The following NFIC variants were observed in gnomAD, a reference collection of about 807,000 sequenced individuals.
NFIC encodes nuclear factor 1 C-type.
NFIC carries 12 observed loss-of-function variants against 54.4 expected under a neutral mutation model. The ratio of observed to expected loss-of-function variants is 0.22; its 90% CI spans 0.14 to 0.36. The LOEUF (loss-of-function observed/expected upper bound fraction) is 0.36, where lower values mean the gene tolerates loss of function less well. Ranked by LOEUF, NFIC falls within the 10% of genes least tolerant of loss-of-function variation. The probability of loss-of-function intolerance (pLI) is 1.00; values close to 1 mark genes in which losing one functional copy is unlikely to be tolerated. For missense variants in NFIC, 575 were observed against 718.2 expected, an observed-to-expected ratio of 0.80 and a Z score of 2.28; for synonymous variants, 322 against 319.2, an observed-to-expected ratio of 1.01 and a Z score of -0.09.
intron 6 of NFIC, among the ~76,000 whole-genome samples, chr19:3,445,441 G>A (rs1006421553): frequency 6.6e-6 from 1 of 152,186 alleles, no homozygotes; most frequent in Non-Finnish European, 1.5e-5. Context: ...CCCCTTGAGT[G>A]TTCACAGGCT....
At chr19:3,405,273 C>CG (rs1401233058) in intron 2 of NFIC, among the ~76,000 whole-genome samples, 1 of 152,186 alleles carries the variant, frequency 6.6e-6, no homozygotes, top group Non-Finnish European at 1.5e-5. Context: ...CTCTGCCTCT[C>CG]GGGCCCCCCC....
At chr19:3,366,245 C>CGG (rs528904809), upstream of NFIC, among the ~76,000 whole-genome samples, 40 of 148,482 alleles carry the variant, frequency 2.7e-4, no homozygotes, top group Admixed American at 4.7e-4. Flanking sequence ...ACGGGAGGAG[C>CGG]GGGGGGGTCC....
At chr19:3,434,427 G>C in intron 5 of NFIC, 27 bp downstream of exon 5, 1 of 1,573,040 alleles carries the variant, frequency 6.4e-7, no homozygotes, top group Non-Finnish European at 8.6e-7. Context: ...CCACCTCTGG[G>C]CATTTCATGA....
chr19:3,443,743 A>G (rs1389945001), intron 6 of NFIC, among the ~76,000 whole-genome samples: 1 of 152,130 alleles, frequency 6.6e-6, no homozygotes, highest in Non-Finnish European at 1.5e-5. Flanking sequence ...TGTGGTTGTC[A>G]CGACTGCAGG....
At chr19:3,363,241 GTATATATA>G (rs1555736643), upstream of NFIC, among the ~76,000 whole-genome samples, 595 of 76,966 alleles carry the variant, frequency 7.7e-3, 29 homozygotes, top group South Asian at 0.011. Context: ...GTATGTGTGT[GTATATATA>G]TATATATATA....
chr19:3,455,441 A>G (rs559951166), intron 9 of NFIC, among the ~76,000 whole-genome samples: 130 of 144,472 alleles, frequency 9.0e-4, no homozygotes, highest in Middle Eastern at 4.4e-3. Flanking sequence ...GATGCAGGAT[A>G]CTGCGTAGGA....
chr19:3,417,758 T>TGGGA (rs1451186610), intron 2 of NFIC, among the ~76,000 whole-genome samples: 1 of 150,558 alleles, frequency 6.6e-6, no homozygotes, highest in Non-Finnish European at 1.5e-5. Flanking sequence ...CCCGAGTAGC[T>TGGGA]GGGACTACAG....
intron 2 of NFIC, among the ~76,000 whole-genome samples, chr19:3,399,856 G>A (rs1249270646): frequency 6.6e-6 from 1 of 152,106 alleles, no homozygotes; most frequent in African/African-American, 2.4e-5. Flanking sequence ...GGGTGACAGA[G>A]CAAGACTCCA....
chr19:3,464,169 T>A lies in NFIC; in HGVS notation c.*1400T>A, dbSNP rs552206999. The A allele has an allele frequency of 1.0e-6, 1 of 984,114 alleles. No individual in the cohort carries two copies. The highest frequency in any genetic ancestry group is 4.7e-5 in the South Asian group (1 of 21,284). 61.0% of individuals were successfully genotyped at this position (984,114 alleles called of 1,614,324 possible). A position where few individuals can be genotyped will look rare whatever the true frequency, so the allele number is the denominator to read the frequency against. Reference sequence around the variant, plus strand: ...AGGGGGACCGCCGTTTGCACTTTCATCGCCTACCCCGACGCGGGGCCCAGC... The same window carrying A: ...AGGGGGACCGCCGTTTGCACTTTCAACGCCTACCCCGACGCGGGGCCCAGC... On this transcript the variant is annotated 3_prime_UTR_variant, in exon 11 of 11. Transcript: ENST00000443272.
intron 2 of NFIC, among the ~76,000 whole-genome samples, chr19:3,407,053 G>A (rs1182201013): frequency 6.6e-6 from 1 of 152,072 alleles, no homozygotes; most frequent in Non-Finnish European, 1.5e-5. Flanking sequence ...GGGCTGTGCA[G>A]GGCCTTGAGC....
At position 3,464,466 on chromosome 19, in the gene NFIC, C is replaced by T. The variant is rs1202099074; in HGVS notation, c.*1697C>T. Reference sequence around the variant, plus strand: ...CAGGATCGCCATCTTTAGGGGAGGCCTGGGAGGGGGTGTTAGGTGTTTTAG... The same window carrying T: ...CAGGATCGCCATCTTTAGGGGAGGCTTGGGAGGGGGTGTTAGGTGTTTTAG... On this transcript the variant is annotated 3_prime_UTR_variant, in exon 11 of 11. Transcript: ENST00000443272. 5.1e-6 allele frequency: 5 copies of T among 984,448 alleles called. No homozygotes were observed. In the African/African-American group the frequency reaches 5.3e-5, roughly 10 times the overall value. The allele number at this position is 984,448 out of a possible 1,614,324, so 61.0% of individuals were successfully genotyped here.
intron 2 of NFIC, among the ~76,000 whole-genome samples, chr19:3,391,928 A>C (rs970519453): frequency 3.9e-5 from 6 of 152,254 alleles, no homozygotes; most frequent in Non-Finnish European, 8.8e-5. Flanking sequence ...CATGATCGTC[A>C]TCACTGTGGT....
rs1466266748 is a variant in NFIC, at chr19:3,452,437, C to CG, written c.1085-43dup. 3 of 1,601,266 alleles carry CG rather than the reference C, an allele frequency of 1.9e-6. No homozygotes were observed. Among genetic ancestry groups the CG allele is most frequent in the African/African-American group, 2.7e-5 (2 of 74,764 alleles). The stretch of plus-strand genomic sequence containing the variant: ...ACAGTCACACGGTCACAGAGCAGAC[C>CG]GGCTGGAGCCCCCAAGTAACCCCCG... On this transcript the variant is annotated intron_variant, in intron 7 of 10. Coordinates refer to ENST00000443272, the MANE Select transcript of NFIC (RefSeq NM_001245002.2). The surrounding 1 kb of genome is among the most constrained non-coding windows in gnomAD (Gnocchi z 5.3).
intron 2 of NFIC, among the ~76,000 whole-genome samples, chr19:3,412,671 G>T (rs2081783393): frequency 6.6e-6 from 1 of 152,180 alleles, no homozygotes; most frequent in South Asian, 2.1e-4. Flanking sequence ...GAGATTGTCA[G>T]CCCCAGCCAA....
At chr19:3,421,338 C>T (rs1317754891) in intron 2 of NFIC, among the ~76,000 whole-genome samples, 1 of 152,228 alleles carries the variant, frequency 6.6e-6, no homozygotes, top group Non-Finnish European at 1.5e-5. Flanking sequence ...CCTGTGCCCA[C>T]GGCCTGGCGC....
chr19:3,414,566 G>A (rs909939938), intron 2 of NFIC, among the ~76,000 whole-genome samples: 51 of 151,834 alleles, frequency 3.4e-4, no homozygotes, highest in Non-Finnish European at 5.9e-4. Flanking sequence ...CCGCACTCCA[G>A]TCTGGGAGAC....
chr19:3,456,038 G>A (rs2082549104), intron 9 of NFIC, among the ~76,000 whole-genome samples: 2 of 152,132 alleles, frequency 1.3e-5, no homozygotes, highest in Non-Finnish European at 2.9e-5. Context: ...GCCCCAGGCC[G>A]TGAGTTACTC....
upstream of NFIC, chr19:3,366,534 C>CGGG (rs1212543628): frequency 9.1e-5 from 33 of 361,518 alleles, no homozygotes; most frequent in African/African-American, 5.4e-4. Flanking sequence ...GGCCGCGGGG[C>CGGG]GGGGGGGGGG....
At chr19:3,406,396 T>A (rs1306134829) in intron 2 of NFIC, among the ~76,000 whole-genome samples, 5 of 2,246 alleles carry the variant, frequency 2.2e-3, no homozygotes, top group Admixed American at 8.5e-3. Flanking sequence ...GCCCTGCCTA[T>A]TTTTTTTTTT....
Sources: allele counts gnomAD v4.1 joint callset (sites outside exome capture counted in the v4.1 genomes callset), GRCh38; gene constraint gnomAD v4.1.1; non-coding constraint Gnocchi (gnomAD v3.1); transcripts MANE v1.5; gene names NCBI Gene and HGNC (gene_info 2026-07-23, HGNC 2026-07-21).